TLDC2: variants seen among roughly 807,000 people sequenced by gnomAD.
The protein encoded by TLDC2 is TBC/LysM-associated domain containing 2.
Under a neutral mutation model 27.9 loss-of-function variants are expected in TLDC2, and 23 were observed. The observed-to-expected ratio is 0.82, with a 90% confidence interval of 0.59 to 1.17. TLDC2 has a LOEUF of 1.17. TLDC2 is among the 50% of genes most tolerant of loss of function. The pLI is 0.00. For missense variants in TLDC2, 286 were observed against 273.4 expected (o/e 1.05, Z -0.32); for synonymous variants, 124 against 107.4 (o/e 1.16, Z -0.96).
At chr20:36,880,077 A>ATATATGTATATATATATATGTGTGTGTG (rs1555828536) in intron 3 of TLDC2, among the ~76,000 whole-genome samples, 3 of 40,486 alleles carry the variant, frequency 7.4e-5, no homozygotes, top group Admixed American at 2.5e-4. Flanking sequence ...ATACATATAT[A>ATATATGTATATATATATATGTGTGTGTG]TATATATATA....
chr20:36,888,058 C>A (rs1989963358), intron 5 of TLDC2, among the ~76,000 whole-genome samples: 1 of 152,148 alleles, frequency 6.6e-6, no homozygotes, highest in Non-Finnish European at 1.5e-5. Flanking sequence ...CCTGAAAAGC[C>A]TCCACTGAGG....
At chr20:36,878,371 A>G (rs1568747195) in intron 2 of TLDC2, among the ~76,000 whole-genome samples, 2 of 152,154 alleles carry the variant, frequency 1.3e-5, no homozygotes, top group African/African-American at 2.4e-5. Flanking sequence ...GCTTGAGGCC[A>G]GGAGCTGGAG....
chr20:36,884,818 A>T (rs1989886045), intron 4 of TLDC2, among the ~76,000 whole-genome samples: 2 of 151,294 alleles, frequency 1.3e-5, no homozygotes, highest in Non-Finnish European at 2.9e-5. Context: ...ACCCAGCCCT[A>T]GGAAGCCCTT....
At position 36,879,125 on chromosome 20, in the gene TLDC2, A is replaced by G. The variant is rs781118786; in HGVS notation, c.274A>G (p.Ser92Gly). ...GTCAAGGGACGGTTTCAGCCTGCAG[A>G]GCCTGTACCGGCGGATGGAGGGCTG... ...CTSRDGFSLQSLYRRMEGCSG... is the reference protein window; with the variant it reads ...CTSRDGFSLQGLYRRMEGCSG... Residue 92 changes from serine to glycine, a missense_variant, in exon 3 of 7, where the codon AGC becomes GGC. Physicochemically the swap from Ser to Gly is moderately conservative, Grantham distance 56. Coordinates refer to ENST00000217320, the MANE Select transcript of TLDC2 (RefSeq NM_080628.3). The G allele has an allele frequency of 6.2e-7, 1 of 1,614,096 alleles. No homozygotes were observed. The highest frequency in any genetic ancestry group is 8.5e-7 in the Non-Finnish European group (1 of 1,180,014).
At chr20:36,884,567 C>T (rs1407051230) in intron 4 of TLDC2, among the ~76,000 whole-genome samples, 1 of 151,902 alleles carries the variant, frequency 6.6e-6, no homozygotes, top group Non-Finnish European at 1.5e-5. Flanking sequence ...AGGATCAGCC[C>T]TCACAACATA....
chr20:36,886,370 C>T (rs1439504143), intron 4 of TLDC2, among the ~76,000 whole-genome samples: 3 of 152,076 alleles, frequency 2.0e-5, no homozygotes, highest in South Asian at 2.1e-4. Flanking sequence ...CCAAGGCAGG[C>T]GGATCACGAG....
chr20:36,878,946 G>A, intron 2 of TLDC2, 95 bp from the exon 3 acceptor site: 1 of 1,581,268 alleles, frequency 6.3e-7, no homozygotes, highest in South Asian at 1.1e-5. Flanking sequence ...GTAAAGCACT[G>A]TGCTGGATGC....
At chr20:36,878,909 T>C (rs1196929727) in intron 2 of TLDC2, 132 bp from the exon 3 acceptor site, 5 of 1,371,662 alleles carry the variant, frequency 3.6e-6, no homozygotes, top group Non-Finnish European at 4.1e-6. Context: ...TGAAAGTCCC[T>C]AGAAACAGCA....
chr20:36,880,868 C>T, intron 4 of TLDC2, 118 bp downstream of exon 4: 2 of 907,484 alleles, frequency 2.2e-6, no homozygotes, highest in Non-Finnish European at 3.5e-6. Context: ...CCACCATCTT[C>T]CCACAGGGGA....
Position 36,893,911 on chromosome 20 carries a change from G to A in TLDC2, c.*1067G>A, listed in dbSNP as rs1990142667. The A allele has an allele frequency of 2.5e-6, 1 of 398,582 alleles. No individual in the cohort carries two copies. Among genetic ancestry groups the A allele is most frequent in the East Asian group, 3.6e-5 (1 of 28,080 alleles). 24.7% of individuals were successfully genotyped at this position (398,582 alleles called of 1,614,324 possible). On this transcript the variant is annotated 3_prime_UTR_variant, in exon 7 of 7. Coordinates refer to ENST00000217320, the MANE Select transcript of TLDC2 (RefSeq NM_080628.3). ...TGGTTTCCAGTTAGATTTGGTCAGT[G>A]GGAGGCTCTGGTGGGAGACTGGAGG...
intron 5 of TLDC2, 101 bp downstream of exon 5, chr20:36,887,629 G>A: frequency 3.5e-6 from 4 of 1,130,030 alleles, no homozygotes; most frequent in Non-Finnish European, 5.4e-6. Context: ...CAATGGCGAG[G>A]CTAGTGGGGA....
chr20:36,882,272 GTGGT>G (rs1989831020), intron 4 of TLDC2, among the ~76,000 whole-genome samples: 1 of 152,172 alleles, frequency 6.6e-6, no homozygotes, highest in Non-Finnish European at 1.5e-5. Context: ...GCCAAGCCCT[GTGGT>G]TCATGCCTAT....
intron 3 of TLDC2, among the ~76,000 whole-genome samples, chr20:36,880,100 T>TATATATATATATAC (rs1336884531): frequency 2.4e-5 from 1 of 41,580 alleles, no homozygotes; most frequent in African/African-American, 6.1e-5. Context: ...TATATATATA[T>TATATATATATATAC]ACTTTTTTTT....
intron 5 of TLDC2, 122 bp from the exon 6 acceptor site, chr20:36,889,129 G>A: frequency 7.1e-7 from 1 of 1,407,234 alleles, no homozygotes; most frequent in Non-Finnish European, 9.7e-7. Context: ...GCTTTAAGGG[G>A]CGATAAGACA....
intron 4 of TLDC2, among the ~76,000 whole-genome samples, chr20:36,882,545 T>TA (rs1555828942): frequency 4.0e-5 from 6 of 151,806 alleles, no homozygotes; most frequent in East Asian, 1.9e-4. Flanking sequence ...AATTTTTTTT[T>TA]AAATTGTTCA....
In TLDC2 at chr20:36,877,905, C is replaced by T; in HGVS notation, c.40C>T (p.Gln14Ter). Residue 14 changes from glutamine (Q) to a stop codon, truncating the protein, a stop_gained, in exon 2 of 7, where the codon CAG becomes TAG. Transcript: ENST00000217320. LOFTEE classifies it high-confidence loss of function. Reference sequence around the variant, plus strand: ...CCACTTTGTGTTTTTGCAGCCCAGCCAGGTGGAGGACACCCTGTCTGGGGA... The same window carrying T: ...CCACTTTGTGTTTTTGCAGCCCAGCTAGGTGGAGGACACCCTGTCTGGGGA... ...LRWRYTRLPS[Q>*]VEDTLSGEEG... 1 of 1,612,480 alleles carries T rather than the reference C, an allele frequency of 6.2e-7. No homozygotes were observed. Among genetic ancestry groups the T allele is most frequent in the Non-Finnish European group, 8.5e-7 (1 of 1,179,392 alleles).
chr20:36,892,732 G>A (rs2148351909), intron 6 of TLDC2, 130 bp from the exon 7 acceptor site: 1 of 683,158 alleles, frequency 1.5e-6, no homozygotes, highest in East Asian at 2.8e-5. Context: ...AATAGGCAAG[G>A]TAATGCTTTT....
intron 4 of TLDC2, among the ~76,000 whole-genome samples, chr20:36,886,453 C>T (rs1023204749): frequency 2.0e-5 from 3 of 151,616 alleles, no homozygotes; most frequent in South Asian, 2.1e-4. Flanking sequence ...GTTAGCCGGG[C>T]GTGGTGGTGC....
chr20:36,881,739 C>T (rs866162687), intron 4 of TLDC2, among the ~76,000 whole-genome samples: 3 of 151,504 alleles, frequency 2.0e-5, no homozygotes, highest in African/African-American at 7.3e-5. Flanking sequence ...GGGAGAGAAG[C>T]GGGGGGCACT....
Sources: allele counts gnomAD v4.1 joint callset (sites outside exome capture counted in the v4.1 genomes callset), GRCh38; gene constraint gnomAD v4.1.1; transcripts MANE v1.5; gene names NCBI Gene and HGNC (gene_info 2026-07-23, HGNC 2026-07-21).